Variants in MGLL observed in about 807,000 individuals in gnomAD.
MGLL encodes the protein monoglyceride lipase.
A neutral mutation model predicts 29.1 loss-of-function variants in MGLL; 7 were observed. The ratio of observed to expected loss-of-function variants is 0.24; its 90% confidence interval spans 0.14 to 0.45. The LOEUF (loss-of-function observed/expected upper bound fraction) is 0.45, where lower values mean the gene tolerates loss of function less well. Among genes scored for constraint, MGLL ranks in the 20% least tolerant of loss-of-function variants. The pLI is 0.99. For missense variants in MGLL, 356 were observed against 413.6 expected, an observed-to-expected ratio of 0.86 and a Z score of 1.21; for synonymous variants, 148 against 168.3, an observed-to-expected ratio of 0.88 and a Z score of 0.93.
chr3:127,800,046 G>A (rs1318177774), intron 2 of MGLL, among the ~76,000 whole-genome samples: 7 of 152,184 alleles, frequency 4.6e-5, no homozygotes, highest in Admixed American at 2.0e-4. Context: ...TAGAAGTGAC[G>A]TATGCAATTT....
At chr3:127,800,755 G>A (rs1031678792) in intron 2 of MGLL, among the ~76,000 whole-genome samples, 2 of 152,174 alleles carry the variant, frequency 1.3e-5, no homozygotes, top group African/African-American at 4.8e-5. Flanking sequence ...GCCAAGTGTG[G>A]TAGTAAGAAC....
intron 3 of MGLL, among the ~76,000 whole-genome samples, chr3:127,769,817 C>A (rs568963832): frequency 7.2e-5 from 11 of 152,308 alleles, no homozygotes; most frequent in African/African-American, 2.4e-4. Flanking sequence ...GCCTCCACCC[C>A]ACAACACCCC....
intron 4 of MGLL, among the ~76,000 whole-genome samples, chr3:127,721,507 GTTTTTTTTTTTT>G (rs55892315): frequency 1.1e-5 from 1 of 94,832 alleles, no homozygotes; most frequent in Non-Finnish European, 2.0e-5. Context: ...TAATAGGAGG[GTTTTTTTTTTTT>G]TTTTTTTTTT....
chr3:127,776,676 G>A (rs1240818826), intron 3 of MGLL, among the ~76,000 whole-genome samples: 1 of 152,218 alleles, frequency 6.6e-6, no homozygotes, highest in South Asian at 2.1e-4. Context: ...CTCAGGTCCA[G>A]TGGCCACACT....
At chr3:127,747,455 T>C (rs2076469601) in intron 3 of MGLL, among the ~76,000 whole-genome samples, 1 of 152,180 alleles carries the variant, frequency 6.6e-6, no homozygotes, top group Non-Finnish European at 1.5e-5. Flanking sequence ...GTGTGCTCCT[T>C]AGGGGCAGGG....
chr3:127,751,749 A>C (rs902613799), intron 3 of MGLL, among the ~76,000 whole-genome samples: 25 of 152,148 alleles, frequency 1.6e-4, no homozygotes, highest in Admixed American at 2.0e-4. Flanking sequence ...GCAAAAAAAA[A>C]CCCCAAAAAA....
At chr3:127,727,289 C>T (rs1292209364) in intron 3 of MGLL, among the ~76,000 whole-genome samples, 2 of 152,206 alleles carry the variant, frequency 1.3e-5, no homozygotes, top group East Asian at 3.8e-4. Context: ...TGTCCAATGC[C>T]ACCGAGGTGC....
At chr3:127,820,747 T>G (rs2077844666) in intron 2 of MGLL, among the ~76,000 whole-genome samples, 1 of 152,232 alleles carries the variant, frequency 6.6e-6, no homozygotes, top group Non-Finnish European at 1.5e-5. Flanking sequence ...CGTTACCCAC[T>G]TGAAAACACT....
chr3:127,750,346 G>A (rs1030847824), intron 3 of MGLL, among the ~76,000 whole-genome samples: 1 of 152,160 alleles, frequency 6.6e-6, no homozygotes, highest in Non-Finnish European at 1.5e-5. Flanking sequence ...CTCACTGGGG[G>A]CCTCGGGCAG....
intron 3 of MGLL, among the ~76,000 whole-genome samples, chr3:127,737,386 C>A (rs149121626): frequency 3.8e-4 from 57 of 151,482 alleles, no homozygotes; most frequent in African/African-American, 1.2e-3. Flanking sequence ...GGGGCACTCA[C>A]AAGCCCACGT....
chr3:127,697,500 C>T (rs2075392101), intron 6 of MGLL, among the ~76,000 whole-genome samples: 2 of 152,154 alleles, frequency 1.3e-5, no homozygotes, highest in Admixed American at 1.3e-4. Context: ...GGCTTGTCAA[C>T]CTGCCTGCTG....
intron 3 of MGLL, among the ~76,000 whole-genome samples, chr3:127,731,395 G>A (rs913823909): frequency 6.6e-6 from 1 of 151,240 alleles, no homozygotes; most frequent in African/African-American, 2.4e-5. Flanking sequence ...CTGCTTTGCA[G>A]ACTTTAAGAT....
At chr3:127,744,836 GAAACAATATGTCA>G (rs901005191) in intron 3 of MGLL, among the ~76,000 whole-genome samples, 19 of 152,166 alleles carry the variant, frequency 1.2e-4, no homozygotes, top group Admixed American at 3.9e-4. Context: ...AAAGGAGTCG[GAAACAATATGTCA>G]AATTAGGTAA....
intron 6 of MGLL, among the ~76,000 whole-genome samples, chr3:127,702,486 C>A (rs1006269096): frequency 5.9e-5 from 9 of 152,214 alleles, no homozygotes; most frequent in Non-Finnish European, 1.3e-4. Context: ...ATTCCTGAAC[C>A]AGATCAGGGC....
chr3:127,738,117 T>A (rs1168642636), intron 3 of MGLL, among the ~76,000 whole-genome samples: 1 of 151,750 alleles, frequency 6.6e-6, no homozygotes, highest in East Asian at 2.0e-4. Context: ...CTGGACAACA[T>A]GGTGAAACCC....
At chr3:127,758,874 G>C (rs1183346012) in intron 3 of MGLL, among the ~76,000 whole-genome samples, 2 of 151,846 alleles carry the variant, frequency 1.3e-5, no homozygotes, top group Non-Finnish European at 2.9e-5. Context: ...GGATATTCTG[G>C]GGGCTCCTGG....
At chr3:127,743,248 CT>C (rs1342512467) in intron 3 of MGLL, among the ~76,000 whole-genome samples, 1 of 152,220 alleles carries the variant, frequency 6.6e-6, no homozygotes, top group East Asian at 1.9e-4. Context: ...AGATTCCAGT[CT>C]TTAACCTCAA....
intron 2 of MGLL, among the ~76,000 whole-genome samples, chr3:127,789,795 C>T (rs1164102844): frequency 6.6e-6 from 1 of 152,078 alleles, no homozygotes; most frequent in East Asian, 1.9e-4. Flanking sequence ...GAGGCATTTT[C>T]CAAGAAGAAA....
intron 3 of MGLL, among the ~76,000 whole-genome samples, chr3:127,726,878 CA>C (rs2076056486): frequency 1.3e-5 from 2 of 152,338 alleles, no homozygotes; most frequent in South Asian, 4.1e-4. Context: ...TTCAAAACTA[CA>C]ATACTATTTT....
Sources: gnomAD v4.1 joint callset for allele counts (sites outside exome capture counted in the v4.1 genomes callset) on GRCh38, gnomAD v4.1.1 for gene constraint, MANE v1.5 for transcripts, NCBI Gene and HGNC (gene_info 2026-07-23, HGNC 2026-07-21) for gene names.